Variants in CTNND2 observed in about 807,000 individuals in gnomAD.
CTNND2 encodes the protein catenin delta-2.
Under a neutral mutation model 144.4 loss-of-function variants are expected in CTNND2, and 22 were observed. The observed-to-expected ratio is 0.15, with a 90% CI of 0.11 to 0.22. CTNND2 has a LOEUF of 0.22. CTNND2 is among the 10% of genes least tolerant of loss of function. The pLI, the probability that CTNND2 is intolerant of heterozygous loss-of-function variation, is 1.00. For missense variants in CTNND2, 1,353 were observed against 1,618.8 expected (o/e 0.84, Z 2.82); for synonymous variants, 751 against 695.6 (o/e 1.08, Z -1.25).
At chr5:11,407,681 G>A (rs12659809) in intron 5 of CTNND2, among the ~76,000 whole-genome samples, 1,846 of 152,018 alleles carry the variant, frequency 0.012, 76 homozygotes, top group East Asian at 0.12. Context: ...AGGATTAAGA[G>A]ACTGGTTCTC....
intron 8 of CTNND2, among the ~76,000 whole-genome samples, chr5:11,348,403 A>G (rs1755003360): frequency 6.7e-6 from 1 of 149,296 alleles, no homozygotes; most frequent in East Asian, 2.0e-4. Context: ...TTCATTTTCT[A>G]CAAGTTGTGA....
At chr5:11,645,228 A>T (rs1782284251) in intron 2 of CTNND2, among the ~76,000 whole-genome samples, 1 of 152,040 alleles carries the variant, frequency 6.6e-6, no homozygotes, top group Admixed American at 6.5e-5. Context: ...AGTCTTCCCA[A>T]AATATTGGGA....
At position 11,681,754 on chromosome 5, in the gene CTNND2, A is replaced by G. The variant is rs138601581; in HGVS notation, c.174+50382T>C. 1.4e-4 allele frequency among the ~76,000 whole-genome samples: 21 copies of G among 152,310 alleles called. No homozygotes were observed. In the East Asian group the frequency reaches 3.7e-3, roughly 27 times the overall value. ...TAATAATTTGATGTGTACTTCCTAA[A>G]ACAAATTGGTTTACACCTATCAGAA... On this transcript the variant is annotated intron_variant, in intron 2 of 21. Coordinates refer to ENST00000304623, the MANE Select transcript of CTNND2 (RefSeq NM_001332.4).
chr5:11,682,297 A>G (rs1191945677), intron 2 of CTNND2, among the ~76,000 whole-genome samples: 2 of 152,216 alleles, frequency 1.3e-5, no homozygotes. Context: ...TTTAGAAACC[A>G]ACAGATGGAA....
chr5:11,148,623 G>A (rs903357856), intron 12 of CTNND2, among the ~76,000 whole-genome samples: 7 of 152,194 alleles, frequency 4.6e-5, no homozygotes, highest in East Asian at 3.9e-4. Flanking sequence ...CTCCAGCAGC[G>A]TCCCTGCCTC....
chr5:11,728,765 T>C (rs184421228), intron 2 of CTNND2, among the ~76,000 whole-genome samples: 1 of 152,300 alleles, frequency 6.6e-6, no homozygotes, highest in African/African-American at 2.4e-5. Flanking sequence ...GGTTTGATAA[T>C]ATATTGACTA....
intron 5 of CTNND2, among the ~76,000 whole-genome samples, chr5:11,397,559 T>A (rs1473005309): frequency 6.6e-6 from 1 of 152,170 alleles, no homozygotes; most frequent in Non-Finnish European, 1.5e-5. Flanking sequence ...ACTCTACTTT[T>A]CGGTACCTGT....
chr5:11,505,303 A>G (rs1226850693), intron 3 of CTNND2, among the ~76,000 whole-genome samples: 2 of 152,298 alleles, frequency 1.3e-5, no homozygotes, highest in East Asian at 3.9e-4. Context: ...GGCTGAGGCC[A>G]TATCATGGGT....
At chr5:11,218,030 C>T (rs1464417903) in intron 10 of CTNND2, among the ~76,000 whole-genome samples, 2 of 151,640 alleles carry the variant, frequency 1.3e-5, no homozygotes, top group African/African-American at 4.8e-5. Context: ...TCCCTTCCTC[C>T]CTCCCTTCTT....
At chr5:11,718,925 T>C (rs1363964119) in intron 2 of CTNND2, among the ~76,000 whole-genome samples, 1 of 152,220 alleles carries the variant, frequency 6.6e-6, no homozygotes, top group Non-Finnish European at 1.5e-5. Flanking sequence ...GCATAGTCTT[T>C]ACTGCTTAAT....
chr5:11,838,019 A>C (rs1207090417), intron 1 of CTNND2, among the ~76,000 whole-genome samples: 1 of 152,192 alleles, frequency 6.6e-6, no homozygotes. Flanking sequence ...GGCCCATAGA[A>C]TTGGATTCTC....
At chr5:11,050,318 G>A (rs1047415297) in intron 16 of CTNND2, among the ~76,000 whole-genome samples, 2 of 152,110 alleles carry the variant, frequency 1.3e-5, no homozygotes, top group Non-Finnish European at 2.9e-5. Context: ...ACTAAGCTAC[G>A]TTCAATGTTT....
chr5:10,995,987 G>C (rs527783713), intron 18 of CTNND2, among the ~76,000 whole-genome samples: 2 of 152,206 alleles, frequency 1.3e-5, no homozygotes, highest in African/African-American at 4.8e-5. Flanking sequence ...AAAGGGAAGG[G>C]AGGAAGGAAG....
intron 1 of CTNND2, among the ~76,000 whole-genome samples, chr5:11,802,556 A>G (rs534072982): frequency 9.4e-5 from 14 of 149,494 alleles, no homozygotes; most frequent in Non-Finnish European, 1.6e-4. Context: ...AACAAGAGCG[A>G]AACTCCATCT....
intron 3 of CTNND2, among the ~76,000 whole-genome samples, chr5:11,564,059 T>C (rs967217295): frequency 6.6e-6 from 1 of 152,184 alleles, no homozygotes; most frequent in African/African-American, 2.4e-5. Flanking sequence ...CCATAGGGGA[T>C]GGCAAGGTCA....
At chr5:11,634,650 C>CA (rs1333089431) in intron 2 of CTNND2, among the ~76,000 whole-genome samples, 29 of 151,698 alleles carry the variant, frequency 1.9e-4, no homozygotes, top group African/African-American at 7.0e-4. Flanking sequence ...GGCAGTTGCA[C>CA]AAAATATAAG....
intron 1 of CTNND2, among the ~76,000 whole-genome samples, chr5:11,819,304 G>A (rs182865754): frequency 7.0e-4 from 107 of 152,042 alleles, no homozygotes; most frequent in African/African-American, 2.5e-3. Flanking sequence ...AGTGGTGGCG[G>A]GAGCCTGTAA....
intron 1 of CTNND2, among the ~76,000 whole-genome samples, chr5:11,826,130 C>T (rs1158418212): frequency 1.3e-5 from 2 of 151,898 alleles, no homozygotes; most frequent in East Asian, 1.9e-4. Flanking sequence ...AAAAACATAA[C>T]GTTGACATAA....
chr5:11,442,046 A>T (rs974342481), intron 3 of CTNND2, among the ~76,000 whole-genome samples: 38 of 152,244 alleles, frequency 2.5e-4, no homozygotes, highest in Admixed American at 1.4e-3. Flanking sequence ...AACACTTTTT[A>T]AAAAAAGAAC....
Sources: allele counts gnomAD v4.1 joint callset (sites outside exome capture counted in the v4.1 genomes callset), GRCh38; gene constraint gnomAD v4.1.1; transcripts MANE v1.5; gene names NCBI Gene and HGNC (gene_info 2026-07-23, HGNC 2026-07-21).